The following KCNQ5 variants were observed in gnomAD, a reference collection of about 807,000 sequenced individuals.
KCNQ5 encodes potassium voltage-gated channel subfamily Q member 5, also known as potassium voltage-gated channel subfamily KQT member 5.
In KCNQ5, 30 loss-of-function variants were observed where a neutral mutation model predicts 98.2. The ratio of observed to expected loss-of-function variants is 0.31; its 90% confidence interval spans 0.23 to 0.41. KCNQ5 has a LOEUF of 0.41. Among genes scored for constraint, KCNQ5 ranks in the 10% least tolerant of loss-of-function variants. The pLI is 1.00. For missense variants in KCNQ5, 835 were observed against 1,182.5 expected (o/e 0.71, Z 4.31); for synonymous variants, 458 against 449.4 (o/e 1.02, Z -0.24).
intron 1 of KCNQ5, among the ~76,000 whole-genome samples, chr6:72,810,643 A>G (rs1304087376): frequency 6.6e-6 from 1 of 152,218 alleles, no homozygotes; most frequent in Non-Finnish European, 1.5e-5. Context: ...TAATGTTAAT[A>G]CTAGAAATTA....
intron 1 of KCNQ5, among the ~76,000 whole-genome samples, chr6:72,776,437 T>A (rs1245844937): frequency 6.6e-6 from 1 of 152,226 alleles, no homozygotes; most frequent in Non-Finnish European, 1.5e-5. Context: ...CAACTCTTTA[T>A]ATATCAAACT....
chr6:72,831,324 C>A (rs1030362169), intron 1 of KCNQ5, among the ~76,000 whole-genome samples: 3 of 152,086 alleles, frequency 2.0e-5, no homozygotes, highest in Admixed American at 6.5e-5. Context: ...GACTTGGAAC[C>A]AACCCAAATG....
Position 73,162,237 on chromosome 6 carries a change from T to A in KCNQ5, c.1469-7509T>A, listed in dbSNP as rs577115839. ...CTGCCGCACCCAGCCAGCTTAGCTC[T>A]TTTTAAATGTCAGGGAACAGAGTAC... On this transcript the variant is annotated intron_variant, in intron 10 of 13. Coordinates refer to ENST00000370398, the MANE Select transcript of KCNQ5 (RefSeq NM_019842.4). Among the ~76,000 whole-genome samples, 16 of 152,278 alleles carry A rather than the reference T, an allele frequency of 1.1e-4. No homozygotes were observed. In the South Asian group the frequency reaches 3.3e-3, roughly 32 times the overall value.
At chr6:73,103,214 C>T (rs757796679) in intron 5 of KCNQ5, among the ~76,000 whole-genome samples, 7 of 152,176 alleles carry the variant, frequency 4.6e-5, no homozygotes, top group Non-Finnish European at 8.8e-5. Context: ...AGACAAACTT[C>T]ACATGGTCTC....
chr6:73,098,502 C>G (rs1006962784), intron 5 of KCNQ5, among the ~76,000 whole-genome samples: 2 of 151,988 alleles, frequency 1.3e-5, no homozygotes, highest in Non-Finnish European at 2.9e-5. Context: ...TTATAAGCAG[C>G]AAAAGAAGAG....
At chr6:72,642,820 G>C (rs966488011) in intron 1 of KCNQ5, among the ~76,000 whole-genome samples, 7 of 152,130 alleles carry the variant, frequency 4.6e-5, no homozygotes, top group Non-Finnish European at 8.8e-5. Context: ...TATGTTCATT[G>C]TAACACTATT....
chr6:72,699,433 G>T (rs370565296), intron 1 of KCNQ5, among the ~76,000 whole-genome samples: 1 of 152,122 alleles, frequency 6.6e-6, no homozygotes, highest in Non-Finnish European at 1.5e-5. Context: ...TTTTTTATTT[G>T]TATCAGCTGA....
chr6:72,742,553 GGACT>G (rs1279928777), intron 1 of KCNQ5, among the ~76,000 whole-genome samples: 1 of 152,066 alleles, frequency 6.6e-6, no homozygotes, highest in African/African-American at 2.4e-5. Flanking sequence ...GGTAGTTCAT[GGACT>G]GATATCTGGT....
chr6:73,040,151 A>G (rs16883236), intron 2 of KCNQ5, among the ~76,000 whole-genome samples: 7,020 of 152,226 alleles, frequency 0.046, 214 homozygotes, highest in East Asian at 0.11. Context: ...CCTAAGAACA[A>G]TGGGCATATA....
At chr6:72,912,393 A>G (rs937919155) in intron 1 of KCNQ5, among the ~76,000 whole-genome samples, 2 of 152,208 alleles carry the variant, frequency 1.3e-5, no homozygotes, top group African/African-American at 4.8e-5. Context: ...TTGTTAATCC[A>G]GGGTCCTCCT....
intron 1 of KCNQ5, among the ~76,000 whole-genome samples, chr6:72,791,314 T>C (rs1379758666): frequency 6.6e-6 from 1 of 151,932 alleles, no homozygotes; most frequent in African/African-American, 2.4e-5. Context: ...CACTGAATGA[T>C]GACAAAATGT....
intron 7 of KCNQ5, among the ~76,000 whole-genome samples, chr6:73,118,921 T>C (rs891053638): frequency 1.4e-4 from 21 of 152,294 alleles, no homozygotes; most frequent in Non-Finnish European, 2.8e-4. Flanking sequence ...CTCAGGAGGC[T>C]GAGGCACGAG....
chr6:73,133,967 G>A (rs1487366811), intron 10 of KCNQ5: 1 of 493,244 alleles, frequency 2.0e-6, no homozygotes, highest in African/African-American at 2.0e-5. Flanking sequence ...TGATGTATTT[G>A]TGACGTCTGA....
chr6:73,015,684 T>C (rs955407138), intron 2 of KCNQ5, among the ~76,000 whole-genome samples: 1 of 152,132 alleles, frequency 6.6e-6, no homozygotes, highest in Non-Finnish European at 1.5e-5. Context: ...TTAGCTCTTA[T>C]GCCCTTTTGA....
chr6:72,911,085 G>A (rs1169285238), intron 1 of KCNQ5, among the ~76,000 whole-genome samples: 2 of 152,288 alleles, frequency 1.3e-5, no homozygotes, highest in Admixed American at 6.5e-5. Context: ...ATGGAAAGCC[G>A]ATGAAGGCTT....
intron 3 of KCNQ5, among the ~76,000 whole-genome samples, chr6:73,069,192 T>G (rs1209027247): frequency 6.6e-6 from 1 of 152,294 alleles, no homozygotes; most frequent in East Asian, 1.9e-4. Context: ...TCTACTAGCA[T>G]GTTTTCTTAG....
chr6:72,997,134 C>T (rs984002543), intron 1 of KCNQ5, among the ~76,000 whole-genome samples: 1 of 152,118 alleles, frequency 6.6e-6, no homozygotes, highest in Non-Finnish European at 1.5e-5. Flanking sequence ...TTTAGAGAGA[C>T]ACTGCACAAC....
At chr6:72,756,602 TG>T (rs1312150870) in intron 1 of KCNQ5, among the ~76,000 whole-genome samples, 38 of 152,270 alleles carry the variant, frequency 2.5e-4, no homozygotes, top group Admixed American at 9.8e-4. Flanking sequence ...ACATAAGTAT[TG>T]AAATCATTTT....
chr6:72,843,772 G>T (rs920375489), intron 1 of KCNQ5, among the ~76,000 whole-genome samples: 3 of 152,234 alleles, frequency 2.0e-5, no homozygotes, highest in Non-Finnish European at 4.4e-5. Context: ...CAATAGCAAA[G>T]ACTTGGAACC....
Sources: allele counts gnomAD v4.1 joint callset (sites outside exome capture counted in the v4.1 genomes callset), GRCh38; gene constraint gnomAD v4.1.1; transcripts MANE v1.5; gene names NCBI Gene and HGNC (gene_info 2026-07-23, HGNC 2026-07-21).